Variants in SLC8A2 observed in about 807,000 individuals in gnomAD.
The protein encoded by SLC8A2 is sodium/calcium exchanger 2.
A neutral mutation model predicts 70.2 loss-of-function variants in SLC8A2; 14 were observed. The observed-to-expected ratio is 0.20, with a 90% confidence interval of 0.13 to 0.31. The LOEUF is 0.31. Among genes scored for constraint, SLC8A2 ranks in the 10% least tolerant of loss-of-function variants. SLC8A2 has a pLI of 1.00. For synonymous variants in SLC8A2, 575 were observed against 594.3 expected (o/e 0.97, Z 0.47); for missense variants, 779 against 1,320.1 (o/e 0.59, Z 6.35).
chr19:47,445,589 C>T (rs964469360), intron 4 of SLC8A2, among the ~76,000 whole-genome samples: 11 of 152,176 alleles, frequency 7.2e-5, no homozygotes, highest in African/African-American at 2.7e-4. Flanking sequence ...CCAGCTGCTT[C>T]AAAGCGCCTC....
intron 6 of SLC8A2, among the ~76,000 whole-genome samples, chr19:47,439,395 G>A (rs942983020): frequency 6.6e-6 from 1 of 152,068 alleles, no homozygotes; most frequent in Non-Finnish European, 1.5e-5. Context: ...AGCTAGGTGT[G>A]GTGGCAGGTG....
At chr19:47,446,143 G>A (rs973001468) in intron 4 of SLC8A2, among the ~76,000 whole-genome samples, 2 of 152,198 alleles carry the variant, frequency 1.3e-5, no homozygotes, top group Non-Finnish European at 2.9e-5. Flanking sequence ...CGCAGAGGCT[G>A]GGAGGAGGAG....
rs964924249 is a variant in SLC8A2 at position 47,447,194 on chromosome 19, A to G, written c.1763+615T>C. Among the ~76,000 whole-genome samples, 2 of 132,930 alleles carry G rather than the reference A, an allele frequency of 1.5e-5. No individual in the cohort carries two copies. The highest frequency in any genetic ancestry group is 3.2e-5 in the Non-Finnish European group (2 of 62,796). 87.2% of individuals were successfully genotyped at this position (132,930 alleles called of 152,430 possible). On this transcript the variant is annotated intron_variant, in intron 4 of 9. Coordinates refer to ENST00000236877, the MANE Select transcript of SLC8A2 (RefSeq NM_015063.3). This position sits in a 1 kb window ranked among gnomAD's most constrained non-coding sequence, Gnocchi z 5.1. ...CCGCCTTCTTCCGCAGCCCACATCC[A>G]TTTTCCCATTTCCTGATGTCGTATG...
At position 47,448,033 on chromosome 19, in the gene SLC8A2, G is replaced by A. The variant is rs61742862; in HGVS notation, c.1539C>T (p.Thr513=). Residue 513 remains threonine, a synonymous_variant, in exon 4 of 10, where the codon ACC becomes ACT. Transcript: ENST00000236877. The surrounding 1 kb of genome is among the most constrained non-coding windows in gnomAD (Gnocchi z 4.8). The part of the protein sequence containing the change: ...KGRLVAPLLA[T]VTILDDDHAG... Reference sequence around the variant, plus strand: ...CGTGGTCGTCGTCCAGGATGGTGACGGTGGCCAGCAGCGGCGCCACCAGCC... The same window carrying A: ...CGTGGTCGTCGTCCAGGATGGTGACAGTGGCCAGCAGCGGCGCCACCAGCC... The A allele has an allele frequency of 1.3e-6, 2 of 1,568,020 alleles. No homozygotes were observed. The highest frequency in any genetic ancestry group is 1.7e-6 in the Non-Finnish European group (2 of 1,156,162).
intron 2 of SLC8A2, among the ~76,000 whole-genome samples, chr19:47,463,239 TCTC>T (rs1172135732): frequency 6.6e-6 from 1 of 151,718 alleles, no homozygotes; most frequent in African/African-American, 2.4e-5. Flanking sequence ...TTCACGCTAT[TCTC>T]CTGCCTCAGC....
intron 3 of SLC8A2, among the ~76,000 whole-genome samples, chr19:47,455,820 G>C (rs1967296957): frequency 6.6e-6 from 1 of 152,168 alleles, no homozygotes; most frequent in African/African-American, 2.4e-5. Context: ...AGGAGGAACT[G>C]TTGAATGAGA....
At chr19:47,434,481 T>C (rs1278977467) in intron 8 of SLC8A2, among the ~76,000 whole-genome samples, 2 of 152,194 alleles carry the variant, frequency 1.3e-5, no homozygotes, top group African/African-American at 2.4e-5. Context: ...TGATAAATAA[T>C]TGGACCTGCT....
At chr19:47,452,757 T>G (rs114322180) in intron 3 of SLC8A2, among the ~76,000 whole-genome samples, 4,487 of 152,170 alleles carry the variant, frequency 0.029, 217 homozygotes, top group African/African-American at 0.097. Flanking sequence ...TGTTGGCTGG[T>G]CGTGGTAGCT....
At position 47,433,058 on chromosome 19, in the gene SLC8A2, C is replaced by G. The variant is rs556299675; in HGVS notation, c.2111-613G>C. The stretch of plus-strand genomic sequence containing the variant: ...GCCAAGTCAATGCTAAAAACAGTTA[C>G]TTTCCCAGAATCCCTTGAAGCTAGA... On this transcript the variant is annotated intron_variant, in intron 8 of 9. Transcript: ENST00000236877. Among the ~76,000 whole-genome samples the G allele has an allele frequency of 3.3e-5, 5 of 152,314 alleles. No homozygotes were observed. The South Asian group carries it at 1.0e-3, about 32-fold the overall frequency.
Position 47,465,693 on chromosome 19 carries a change from C to T in SLC8A2, c.675+36G>A, listed in dbSNP as rs1967448261. The T allele has an allele frequency of 6.5e-7, 1 of 1,541,456 alleles. No individual in the cohort carries two copies. The highest frequency in any genetic ancestry group is 1.9e-5 in the Admixed American group (1 of 53,652). On this transcript the variant is annotated intron_variant, in intron 2 of 9. Transcript: ENST00000236877. The surrounding 1 kb of genome is among the most constrained non-coding windows in gnomAD (Gnocchi z 5.5). ...CACCTCTCTGGATTTTGCAGACACACATGCACCAAGAAAGCATCTATGCGT... is the reference window on the plus strand; with the variant it reads ...CACCTCTCTGGATTTTGCAGACACATATGCACCAAGAAAGCATCTATGCGT...
At position 47,430,229 on chromosome 19, in the gene SLC8A2, G is replaced by T. The variant is rs368439720; in HGVS notation, c.2626C>A (p.Arg876=). The T allele has an allele frequency of 3.7e-6, 6 of 1,610,042 alleles. No homozygotes were observed. In the African/African-American group the frequency reaches 8.0e-5, roughly 22 times the overall value. ...TCGCCGCCGATGTGCGGCCGGCGCCGGTACAGCAGCACGGCAATGCCCACG... is the reference window on the plus strand; with the variant it reads ...TCGCCGCCGATGTGCGGCCGGCGCCTGTACAGCAGCACGGCAATGCCCACG... ...AFVGIAVLLY[R]RRPHIGGELG... is the part of the protein sequence containing the mutation. Residue 876 remains arginine, a synonymous_variant, in exon 10 of 10, where the codon CGG becomes AGG. Transcript: ENST00000236877. This position sits in a 1 kb window ranked among gnomAD's most constrained non-coding sequence, Gnocchi z 5.9.
intron 4 of SLC8A2, among the ~76,000 whole-genome samples, chr19:47,442,455 C>T (rs1967111270): frequency 6.6e-6 from 1 of 152,194 alleles, no homozygotes; most frequent in African/African-American, 2.4e-5. Flanking sequence ...CCCTTTCTGG[C>T]CTCCTTGCTA....
chr19:47,463,530 G>A (rs1203914210), intron 2 of SLC8A2, among the ~76,000 whole-genome samples: 1 of 149,810 alleles, frequency 6.7e-6, no homozygotes, highest in African/African-American at 2.4e-5. Flanking sequence ...TTGGGAGTTC[G>A]AGACCAGCCT....
At chr19:47,445,612 G>A (rs995579907) in intron 4 of SLC8A2, among the ~76,000 whole-genome samples, 1 of 152,142 alleles carries the variant, frequency 6.6e-6, no homozygotes, top group Non-Finnish European at 1.5e-5. Flanking sequence ...ATTAGTGCCT[G>A]CCCATCAGAG....
chr19:47,440,593 A>ATT (rs11414467), intron 6 of SLC8A2, among the ~76,000 whole-genome samples: 32 of 148,394 alleles, frequency 2.2e-4, no homozygotes, highest in East Asian at 7.9e-4. Context: ...CACTCAGCTA[A>ATT]TTTTTTTTTT....
chr19:47,468,940 C>T lies in SLC8A2; in HGVS notation c.-16-2521G>A, dbSNP rs2122656785. Among the ~76,000 whole-genome samples the T allele has an allele frequency of 6.6e-6, 1 of 152,308 alleles. No individual in the cohort carries two copies. The highest frequency in any genetic ancestry group is 2.1e-4 in the South Asian group (1 of 4,830). ...TCCCAGACCCCTCTGCCACCAGCCT[C>T]ATTTCTTCCAGGGGCTTCCATTTGC... On this transcript the variant is annotated intron_variant, in intron 1 of 9. Coordinates refer to ENST00000236877, the MANE Select transcript of SLC8A2 (RefSeq NM_015063.3). This position sits in a 1 kb window ranked among gnomAD's most constrained non-coding sequence, Gnocchi z 5.1.
At position 47,438,024 on chromosome 19, in the gene SLC8A2, G is replaced by A. The variant is rs749359948; in HGVS notation, c.1886-51C>T. 55 of 1,607,844 alleles carry A rather than the reference G, an allele frequency of 3.4e-5. No homozygotes were observed. The South Asian group carries it at 5.7e-4, about 17-fold the overall frequency. On this transcript the variant is annotated intron_variant, in intron 6 of 9. Coordinates refer to ENST00000236877, the MANE Select transcript of SLC8A2 (RefSeq NM_015063.3). The stretch of plus-strand genomic sequence containing the variant: ...ACTCCTGGGAGACCTACCTAATTGG[G>A]CCTGTGACGCCTTTACTACCTGTCC...
chr19:47,459,286 C>G (rs965446078), intron 2 of SLC8A2, among the ~76,000 whole-genome samples: 10 of 152,118 alleles, frequency 6.6e-5, no homozygotes, highest in African/African-American at 2.4e-4. Context: ...CTCCTTGCCT[C>G]TGTCTCAGCG....
In SLC8A2 at chr19:47,457,151, C is replaced by T. The variant is rs1362009211; in HGVS notation, c.1119G>A (p.Ala373=). The part of the protein sequence containing the change: ...GAGNVLRRHA[A]DASRRAAPAE... Reference sequence around the variant, plus strand: ...CCGGCGCCGCCCTGCGCGAGGCGTCCGCCGCGTGTCTGCGCAGCACGTTCC... The same window carrying T: ...CCGGCGCCGCCCTGCGCGAGGCGTCTGCCGCGTGTCTGCGCAGCACGTTCC... Residue 373 remains alanine (A), a synonymous_variant, in exon 3 of 10, where the codon GCG becomes GCA. Coordinates refer to ENST00000236877, the MANE Select transcript of SLC8A2 (RefSeq NM_015063.3). 2.6e-6 allele frequency: 4 copies of T among 1,542,384 alleles called. No homozygotes were observed. Among genetic ancestry groups the T allele is most frequent in the African/African-American group, 1.4e-5 (1 of 72,076 alleles).
Sources: gnomAD v4.1 joint callset for allele counts (sites outside exome capture counted in the v4.1 genomes callset) on GRCh38, gnomAD v4.1.1 for gene constraint, Gnocchi (gnomAD v3.1) non-coding constraint, MANE v1.5 for transcripts, NCBI Gene and HGNC (gene_info 2026-07-23, HGNC 2026-07-21) for gene names.